The following CDH11 variants were observed in gnomAD, a reference collection of about 807,000 sequenced individuals.
CDH11 encodes the protein cadherin-11.
CDH11 carries 11 observed loss-of-function variants against 67.8 expected under a neutral mutation model. That is an observed-to-expected ratio of 0.16 (90% confidence interval 0.10 to 0.27). The LOEUF (loss-of-function observed/expected upper bound fraction) is 0.27. CDH11 is among the 10% of genes least tolerant of loss of function. The pLI is 1.00. For missense variants in CDH11, 847 were observed against 1,031.2 expected, an observed-to-expected ratio of 0.82 and a Z score of 2.45; for synonymous variants, 419 against 400.0, an observed-to-expected ratio of 1.05 and a Z score of -0.57.
At chr16:65,076,060 G>A (rs1017661264) in intron 1 of CDH11, among the ~76,000 whole-genome samples, 1 of 152,196 alleles carries the variant, frequency 6.6e-6, no homozygotes, top group Non-Finnish European at 1.5e-5. Context: ...GCTGTGAGCT[G>A]CAGTCCCCGT....
At chr16:65,109,587 T>C (rs900682085) in intron 1 of CDH11, among the ~76,000 whole-genome samples, 2 of 152,226 alleles carry the variant, frequency 1.3e-5, no homozygotes, top group African/African-American at 4.8e-5. Context: ...TTGTCCATTT[T>C]ATGGGGTGGT....
At position 64,982,114 on chromosome 16, in the gene CDH11, G is replaced by C. The variant is rs2142458968; in HGVS notation, c.1187C>G (p.Ala396Gly). 1.9e-6 allele frequency: 3 copies of C among 1,613,986 alleles called. No homozygotes were observed. Among genetic ancestry groups the C allele is most frequent in the Non-Finnish European group, 2.5e-6 (3 of 1,179,898 alleles). The change falls in exon 8 of 13, where the codon GCA (alanine) becomes GGA (glycine). Residue 396 changes from alanine to glycine, a missense_variant. By Grantham distance (60) the Ala-to-Gly change is moderately conservative (BLOSUM62 0). This residue lies in a region of CDH11 where 612 missense variants were observed against 678.7 expected (regional missense o/e 0.90). Coordinates refer to ENST00000268603, the MANE Select transcript of CDH11 (RefSeq NM_001797.4). ...TCTCCCAACCACGGTGCCAGCAGCT[G>C]CATTTTCTTGGACTTCGTGGATGTA... ...PSYIHEVQEN[A>G]AAGTVVGRVH...
At chr16:65,092,348 T>G (rs934215402) in intron 1 of CDH11, among the ~76,000 whole-genome samples, 1 of 152,188 alleles carries the variant, frequency 6.6e-6, no homozygotes, top group Admixed American at 6.5e-5. Flanking sequence ...CCAATGTTCC[T>G]TCCACAGCTT....
chr16:65,078,159 G>T (rs974159994), intron 1 of CDH11, among the ~76,000 whole-genome samples: 1 of 152,206 alleles, frequency 6.6e-6, no homozygotes, highest in African/African-American at 2.4e-5. Flanking sequence ...ATATGGAAAA[G>T]TCAAAGAAAC....
chr16:65,044,763 T>C, intron 2 of CDH11, among the ~76,000 whole-genome samples: 1 of 152,112 alleles, frequency 6.6e-6, no homozygotes, highest in Non-Finnish European at 1.5e-5. Flanking sequence ...TTCTGGGAGT[T>C]GGGCCTGGAT....
At chr16:64,968,626 C>G in intron 11 of CDH11, 1 of 864,896 alleles carries the variant, frequency 1.2e-6, no homozygotes, top group Non-Finnish European at 1.4e-6. Context: ...ATTAAGATGG[C>G]TTTTCCTCTT....
At chr16:65,123,143 G>C (rs2075364133), upstream of CDH11, among the ~76,000 whole-genome samples, 1 of 152,134 alleles carries the variant, frequency 6.6e-6, no homozygotes, top group Non-Finnish European at 1.5e-5. Context: ...AGGACTGGGC[G>C]GGGCGCTCGC....
rs1486546905 is a variant in CDH11 at position 65,121,866 on chromosome 16, G to A, written c.-298+14C>T. 1 of 701,988 alleles carries A rather than the reference G, an allele frequency of 1.4e-6. No homozygotes were observed. The highest frequency in any genetic ancestry group is 1.5e-5 in the South Asian group (1 of 67,596). 43.5% of individuals were successfully genotyped at this position (701,988 alleles called of 1,614,324 possible). ...CCAACCAGGCGAGAGGAAGGGACTG[G>A]CGGCGCACCTCACCTGGGGCCCTTG... On this transcript the variant is annotated intron_variant, in intron 1 of 12. Coordinates refer to ENST00000268603, the MANE Select transcript of CDH11 (RefSeq NM_001797.4). The surrounding 1 kb of genome is among the most constrained non-coding windows in gnomAD (Gnocchi z 4.1).
chr16:65,091,538 A>G (rs1465751220), intron 1 of CDH11, among the ~76,000 whole-genome samples: 1 of 150,116 alleles, frequency 6.7e-6, no homozygotes, highest in Non-Finnish European at 1.5e-5. Context: ...TCTTTCCTCT[A>G]TAGATTAGGC....
At chr16:65,058,921 T>C (rs191934126) in intron 1 of CDH11, among the ~76,000 whole-genome samples, 2 of 152,336 alleles carry the variant, frequency 1.3e-5, no homozygotes, top group Non-Finnish European at 1.5e-5. Context: ...TGAAAAGATA[T>C]ATTGTGCTTC....
chr16:65,018,251 A>G (rs768457836), intron 2 of CDH11, among the ~76,000 whole-genome samples: 7 of 152,092 alleles, frequency 4.6e-5, no homozygotes, highest in Admixed American at 1.3e-4. Flanking sequence ...CTGTGCAGGG[A>G]CTCCATAGAG....
At chr16:65,105,447 C>CA (rs1183878472) in intron 1 of CDH11, among the ~76,000 whole-genome samples, 9 of 152,328 alleles carry the variant, frequency 5.9e-5, no homozygotes, top group African/African-American at 1.9e-4. Flanking sequence ...CCCAGGGCAA[C>CA]AGTCACATCC....
At chr16:65,006,232 G>A (rs1000299697) in intron 2 of CDH11, among the ~76,000 whole-genome samples, 9 of 152,206 alleles carry the variant, frequency 5.9e-5, no homozygotes, top group African/African-American at 2.2e-4. Context: ...GAAAGTTCTT[G>A]TGCAGGAGGA....
At chr16:65,081,638 T>A (rs372219034) in intron 1 of CDH11, among the ~76,000 whole-genome samples, 2 of 152,072 alleles carry the variant, frequency 1.3e-5, no homozygotes, top group Admixed American at 1.3e-4. Context: ...TTTGGTTGTC[T>A]ATCAAAGTAT....
intron 2 of CDH11, among the ~76,000 whole-genome samples, chr16:65,038,183 T>G (rs761966256): frequency 1.3e-5 from 2 of 152,060 alleles, no homozygotes; most frequent in Non-Finnish European, 2.9e-5. Flanking sequence ...CAGTGGGGAC[T>G]GCTGAGATTG....
intron 2 of CDH11, among the ~76,000 whole-genome samples, chr16:65,038,968 G>A (rs1376186649): frequency 6.6e-6 from 1 of 152,138 alleles, no homozygotes. Flanking sequence ...TATCATTGTT[G>A]CCACTCATAT....
intron 2 of CDH11, among the ~76,000 whole-genome samples, chr16:65,015,164 G>A (rs776151519): frequency 2.0e-5 from 3 of 151,748 alleles, no homozygotes; most frequent in East Asian, 1.9e-4. Flanking sequence ...GAGCCACTGC[G>A]CCTGGCCTAA....
intron 1 of CDH11, among the ~76,000 whole-genome samples, chr16:65,057,833 A>C (rs941474314): frequency 6.6e-6 from 1 of 151,614 alleles, no homozygotes; most frequent in Non-Finnish European, 1.5e-5. Context: ...CAATAAACCC[A>C]CTCCTTTTTC....
chr16:65,071,859 C>G (rs923640285), intron 1 of CDH11: 6 of 152,234 alleles, frequency 3.9e-5, no homozygotes, highest in Admixed American at 1.3e-4. Context: ...GCTGTTACAG[C>G]AGGGACAAGA....
Sources: gnomAD v4.1 joint callset for allele counts (sites outside exome capture counted in the v4.1 genomes callset) on GRCh38, gnomAD v4.1.1 for gene constraint, gnomAD v4.1.1 regional missense constraint, Gnocchi (gnomAD v3.1) non-coding constraint, MANE v1.5 for transcripts, NCBI Gene and HGNC (gene_info 2026-07-23, HGNC 2026-07-21) for gene names.